Variants in LY6E observed in about 807,000 individuals in gnomAD.
LY6E encodes lymphocyte antigen 6 family member E.
A neutral mutation model predicts 7.7 loss-of-function variants in LY6E; 4 were observed. The ratio of observed to expected loss-of-function variants is 0.52; its 90% CI spans 0.25 to 1.18. The LOEUF is 1.18. Among genes scored for constraint, LY6E ranks in the 50% most tolerant of loss-of-function variants. The pLI is 0.14. For missense variants in LY6E, 156 were observed against 168.0 expected (o/e 0.93, Z 0.40); for synonymous variants, 81 against 80.1 (o/e 1.01, Z -0.06).
chr8:143,019,527 G>C (rs959294109), intron 1 of LY6E, among the ~76,000 whole-genome samples: 1 of 152,216 alleles, frequency 6.6e-6, no homozygotes, highest in Non-Finnish European at 1.5e-5. Flanking sequence ...CTTTAGGGGG[G>C]TGGGGGGAAA....
intron 2 of LY6E, 68 bp downstream of exon 2, chr8:143,021,059 C>T (rs1819207710): frequency 6.4e-7 from 1 of 1,560,306 alleles, no homozygotes; most frequent in Non-Finnish European, 8.8e-7. Context: ...CTCCACCCCT[C>T]TCCCCTGAGC....
chr8:143,021,772 C>G lies in LY6E; in HGVS notation c.379C>G (p.Leu127Val). 1 of 1,606,144 alleles carries G rather than the reference C, an allele frequency of 6.2e-7. No homozygotes were observed. ...GLLLSLLPALLRFGP is the reference protein window; with the variant it reads ...GLLLSLLPALVRFGP ...GCTGCTGAGCCTGCTGCCGGCCCTG[C>G]TGCGGTTTGGCCCCTGACCGCCCAG... The change falls in exon 4 of 4, where the codon CTG (leucine) becomes GTG (valine). Residue 127 changes from leucine (L) to valine (V), a missense_variant. Leu to Val is a conservative substitution (Grantham distance 32). Coordinates refer to ENST00000292494, the MANE Select transcript of LY6E (RefSeq NM_002346.3).
chr8:143,021,396 C>T lies in LY6E; in HGVS notation c.135C>T (p.Asp45=), dbSNP rs753483340. 6.2e-7 allele frequency: 1 copy of T among 1,614,042 alleles called. No homozygotes were observed. Among genetic ancestry groups the T allele is most frequent in the Non-Finnish European group, 8.5e-7 (1 of 1,180,028 alleles). Residue 45 remains aspartate, a synonymous_variant, in exon 3 of 4, where the codon GAC becomes GAT. Coordinates refer to ENST00000292494, the MANE Select transcript of LY6E (RefSeq NM_002346.3). ...CLKPTICSDQ[D]NYCVTVSASA... Reference sequence around the variant, plus strand: ...AGCCGACCATCTGCTCCGACCAGGACAACTACTGCGTGACTGTGTCTGCTA... The same window carrying T: ...AGCCGACCATCTGCTCCGACCAGGATAACTACTGCGTGACTGTGTCTGCTA...
At chr8:143,019,975 G>A (rs1490651650) in intron 1 of LY6E, among the ~76,000 whole-genome samples, 1 of 152,212 alleles carries the variant, frequency 6.6e-6, no homozygotes, top group East Asian at 1.9e-4. Context: ...CTGCTGGTGG[G>A]ACCAGTGGCA....
chr8:143,018,554 G>A lies in LY6E; in HGVS notation c.-90G>A, dbSNP rs1130985. The A allele has an allele frequency of 6.6e-6, 1 of 152,264 alleles. No homozygotes were observed. The highest frequency in any genetic ancestry group is 1.4e-5 in the Non-Finnish European group (1 of 68,984). 9.4% of individuals were successfully genotyped at this position (152,264 alleles called of 1,614,324 possible). ...AGAGCGCGCGAGGTTCGGGGAGCTCGGCCAGGCTGCTGGTACCTGCGTCCG... is the reference window on the plus strand; with the variant it reads ...AGAGCGCGCGAGGTTCGGGGAGCTCAGCCAGGCTGCTGGTACCTGCGTCCG... On this transcript the variant is annotated 5_prime_UTR_variant, in exon 1 of 4. Transcript: ENST00000292494.
intron 2 of LY6E, 61 bp from the exon 3 acceptor site, chr8:143,021,253 G>A: frequency 6.3e-7 from 1 of 1,582,614 alleles, no homozygotes; most frequent in Non-Finnish European, 8.6e-7. Context: ...ATGTCCACTG[G>A]GGTCAGGCCT....
At position 143,019,402 on chromosome 8, in the gene LY6E, G is replaced by T. The variant is rs1006153273; in HGVS notation, c.-58+816G>T. 1.3e-4 allele frequency among the ~76,000 whole-genome samples: 20 copies of T among 152,226 alleles called. 1 individual carries two copies. The highest frequency in any genetic ancestry group is 9.2e-4 in the Admixed American group (14 of 15,286). ...TGCCTTAGCTCAGCCTGGTGGCCCA[G>T]CGGGTTGGGTGCCACCCAGTGAGCA... On this transcript the variant is annotated intron_variant, in intron 1 of 3. Transcript: ENST00000292494.
Position 143,021,363 on chromosome 8 carries a change from C to T in LY6E, c.102C>T (p.Tyr34=), listed in dbSNP as rs1487211217. 1.2e-6 allele frequency: 2 copies of T among 1,613,924 alleles called. No individual in the cohort carries two copies. Among genetic ancestry groups the T allele is most frequent in the African/African-American group, 2.7e-5 (2 of 74,940 alleles). ...GCTTGAACCAGAAGAGCAATCTGTA[C>T]TGCCTGAAGCCGACCATCTGCTCCG... The part of the protein sequence containing the change: ...FSCLNQKSNL[Y]CLKPTICSDQ... Residue 34 remains tyrosine (Y), a synonymous_variant, in exon 3 of 4, where the codon TAC becomes TAT. Coordinates refer to ENST00000292494, the MANE Select transcript of LY6E (RefSeq NM_002346.3).
At position 143,022,171 on chromosome 8, in the gene LY6E, G is replaced by A. The variant is rs922148579; in HGVS notation, c.*382G>A. ...TGCAGTGCACGTGAGAGCACGTGGC[G>A]GCTTCTGGGGGCCATGTTTGGGGAG... is the stretch of plus-strand genomic sequence containing the variant. On this transcript the variant is annotated 3_prime_UTR_variant, in exon 4 of 4. Transcript: ENST00000292494. 6.6e-5 allele frequency: 17 copies of A among 257,024 alleles called. No individual in the cohort carries two copies. Among genetic ancestry groups the A allele is most frequent in the African/African-American group, 1.1e-4 (5 of 44,884 alleles). 15.9% of individuals were successfully genotyped at this position (257,024 alleles called of 1,614,324 possible). A position where few individuals can be genotyped will look rare whatever the true frequency, so the allele number is the denominator to read the frequency against.
rs1217903908 is a variant in LY6E, at chr8:143,021,003, T to C, written c.52+12T>C. On this transcript the variant is annotated intron_variant, in intron 2 of 3. Coordinates refer to ENST00000292494, the MANE Select transcript of LY6E (RefSeq NM_002346.3). ...GGGTGTGGAGCGAGGTGAGGTGCCC[T>C]TGGGGACCCCAGACCTTTGTCCAGC... The C allele has an allele frequency of 2.5e-6, 4 of 1,591,176 alleles. No homozygotes were observed. Among genetic ancestry groups the C allele is most frequent in the Non-Finnish European group, 2.6e-6 (3 of 1,169,358 alleles).
chr8:143,021,764 C>A lies in LY6E; in HGVS notation c.371C>A (p.Pro124Gln). Residue 124 changes from proline (P) to glutamine (Q), a missense_variant, in exon 4 of 4, where the codon CCG becomes CAG. By Grantham distance (76) the Pro-to-Gln change is moderately conservative. Coordinates refer to ENST00000292494, the MANE Select transcript of LY6E (RefSeq NM_002346.3). ...GCCGGGCTGCTGCTGAGCCTGCTGCCGGCCCTGCTGCGGTTTGGCCCCTGA... is the reference window on the plus strand; with the variant it reads ...GCCGGGCTGCTGCTGAGCCTGCTGCAGGCCCTGCTGCGGTTTGGCCCCTGA... ...LGAGLLLSLL[P>Q]ALLRFGP The A allele has an allele frequency of 6.2e-7, 1 of 1,608,380 alleles. No individual in the cohort carries two copies. Among genetic ancestry groups the A allele is most frequent in the African/African-American group, 1.3e-5 (1 of 74,970 alleles).
intron 1 of LY6E, among the ~76,000 whole-genome samples, chr8:143,020,608 CCACT>C (rs1819195808): frequency 6.6e-6 from 1 of 152,236 alleles, no homozygotes; most frequent in Non-Finnish European, 1.5e-5. Context: ...CTGGCAGAGG[CCACT>C]CACTCTGCCT....
At position 143,022,106 on chromosome 8, in the gene LY6E, C is replaced by T. The variant is rs966372074; in HGVS notation, c.*317C>T. On this transcript the variant is annotated 3_prime_UTR_variant, in exon 4 of 4. Transcript: ENST00000292494. ...ATGCTGACAGGGTCCCCAGGGAGACCGTGTCAGTAGGGATGTGTGCCTGGC... is the reference window on the plus strand; with the variant it reads ...ATGCTGACAGGGTCCCCAGGGAGACTGTGTCAGTAGGGATGTGTGCCTGGC... 13 of 488,134 alleles carry T rather than the reference C, an allele frequency of 2.7e-5. No individual in the cohort carries two copies. The highest frequency in any genetic ancestry group is 1.6e-4 in the African/African-American group (8 of 51,550). The allele number at this position is 488,134 out of a possible 1,614,324, so 30.2% of individuals were successfully genotyped here.
chr8:143,021,284 C>G, intron 2 of LY6E, 30 bp from the exon 3 acceptor site: 3 of 1,607,564 alleles, frequency 1.9e-6, no homozygotes, highest in Non-Finnish European at 2.5e-6. Context: ...CTGGAGGCTT[C>G]CCTGAGACAG....
intron 2 of LY6E, 88 bp from the exon 3 acceptor site, chr8:143,021,226 C>T (rs1418190634): frequency 1.3e-6 from 2 of 1,538,640 alleles, no homozygotes; most frequent in Non-Finnish European, 1.8e-6. Context: ...GCCTGGTATA[C>T]AGTAATTTCT....
chr8:143,018,623 A>C (rs1360469208), intron 1 of LY6E, 37 bp downstream of exon 1: 2 of 149,776 alleles, frequency 1.3e-5, no homozygotes, highest in African/African-American at 2.4e-5. Context: ...CGCCCCCGCC[A>C]CCTGCGCGCA....
intron 1 of LY6E, among the ~76,000 whole-genome samples, chr8:143,020,046 G>A (rs766417683): frequency 3.3e-5 from 5 of 152,162 alleles, no homozygotes; most frequent in Non-Finnish European, 7.3e-5. Context: ...CAGATACTGA[G>A]TGGGGTGCTT....
At position 143,021,375 on chromosome 8, in the gene LY6E, G is replaced by A. The variant is rs565415664; in HGVS notation, c.114G>A (p.Pro38=). The change falls in exon 3 of 4, where the codon CCG becomes CCA. Residue 38 remains proline (P), a synonymous_variant. Coordinates refer to ENST00000292494, the MANE Select transcript of LY6E (RefSeq NM_002346.3). ...AGAGCAATCTGTACTGCCTGAAGCC[G>A]ACCATCTGCTCCGACCAGGACAACT... ...NQKSNLYCLK[P]TICSDQDNYC... 32 of 1,614,002 alleles carry A rather than the reference G, an allele frequency of 2.0e-5. No homozygotes were observed. In the East Asian group the frequency reaches 2.7e-4, roughly 13 times the overall value.
In LY6E at chr8:143,021,388, G is replaced by C. The variant is rs540466666; in HGVS notation, c.127G>C (p.Asp43His). 1 of 1,613,958 alleles carries C rather than the reference G, an allele frequency of 6.2e-7. No homozygotes were observed. The highest frequency in any genetic ancestry group is 1.7e-5 in the Admixed American group (1 of 60,008). ...CTGCCTGAAGCCGACCATCTGCTCC[G>C]ACCAGGACAACTACTGCGTGACTGT... is the stretch of plus-strand genomic sequence containing the variant. ...LYCLKPTICS[D>H]QDNYCVTVSA... The change falls in exon 3 of 4, where the codon GAC (aspartate) becomes CAC (histidine). Residue 43 changes from aspartate (D) to histidine (H), a missense_variant. Transcript: ENST00000292494.
Sources: allele counts gnomAD v4.1 joint callset (sites outside exome capture counted in the v4.1 genomes callset), GRCh38; gene constraint gnomAD v4.1.1; transcripts MANE v1.5; gene names NCBI Gene and HGNC (gene_info 2026-07-23, HGNC 2026-07-21).